GTF2IRD1: variants seen among roughly 807,000 people sequenced by gnomAD.
GTF2IRD1 encodes the protein general transcription factor II-I repeat domain-containing protein 1.
In GTF2IRD1, 26 loss-of-function variants were observed where a neutral mutation model predicts 113.2. The observed-to-expected ratio is 0.23, with a 90% CI of 0.17 to 0.32. The LOEUF is 0.32. GTF2IRD1 is among the 10% of genes least tolerant of loss of function. The pLI, the probability that GTF2IRD1 is intolerant of heterozygous loss-of-function variation, is 1.00. For missense variants in GTF2IRD1, 864 were observed against 1,280.8 expected, an observed-to-expected ratio of 0.67 and a Z score of 4.97; for synonymous variants, 484 against 529.1, an observed-to-expected ratio of 0.91 and a Z score of 1.17.
chr7:74,545,680 A>G (rs1798882985), intron 15 of GTF2IRD1, 64 bp from the exon 16 acceptor site: 1 of 1,235,170 alleles, frequency 8.1e-7, no homozygotes, highest in African/African-American at 1.5e-5. Flanking sequence ...GTACCAGCAG[A>G]GCAGGAACAT....
intron 17 of GTF2IRD1, among the ~76,000 whole-genome samples, chr7:74,552,272 C>G (rs1459236774): frequency 3.9e-5 from 6 of 152,092 alleles, no homozygotes; most frequent in Non-Finnish European, 5.9e-5. Context: ...AATCCCAGCA[C>G]TTTGTGGGGG....
chr7:74,493,801 C>G (rs894529664), intron 1 of GTF2IRD1, among the ~76,000 whole-genome samples: 5 of 152,082 alleles, frequency 3.3e-5, no homozygotes, highest in Non-Finnish European at 7.4e-5. Context: ...TCACTGCAGC[C>G]TTGACCTCCT....
intron 9 of GTF2IRD1, 69 bp downstream of exon 9, chr7:74,529,986 GATCGCTT>G (rs1797863548): frequency 1.7e-6 from 2 of 1,199,676 alleles, no homozygotes; most frequent in Non-Finnish European, 2.4e-6. Flanking sequence ...AAGGCAGGCA[GATCGCTT>G]GAGGCCAGGA....
At chr7:74,545,874 A>T (rs1798897259) in intron 16 of GTF2IRD1, 65 bp downstream of exon 16, 2 of 1,236,814 alleles carry the variant, frequency 1.6e-6, no homozygotes, top group Admixed American at 1.7e-5. Context: ...CTGTTTGCAG[A>T]AGGGCTTTGG....
intron 2 of GTF2IRD1, among the ~76,000 whole-genome samples, chr7:74,508,956 A>G (rs1177675179): frequency 6.6e-6 from 1 of 152,136 alleles, no homozygotes; most frequent in Non-Finnish European, 1.5e-5. Context: ...CCCTGGCGCT[A>G]TTGCCTACAT....
intron 14 of GTF2IRD1, among the ~76,000 whole-genome samples, chr7:74,540,650 C>A (rs1342880600): frequency 6.6e-6 from 1 of 151,612 alleles, no homozygotes; most frequent in East Asian, 2.0e-4. Context: ...ATGGATAGTA[C>A]GCAAATAAGT....
At chr7:74,550,610 T>C (rs1295803700) in intron 17 of GTF2IRD1, among the ~76,000 whole-genome samples, 1 of 151,644 alleles carries the variant, frequency 6.6e-6, no homozygotes, top group Admixed American at 6.6e-5. Context: ...TTTTAATTTT[T>C]TTAAAAATAC....
intron 7 of GTF2IRD1, among the ~76,000 whole-genome samples, chr7:74,523,285 G>T (rs1475397608): frequency 1.3e-5 from 2 of 152,142 alleles, no homozygotes; most frequent in Non-Finnish European, 2.9e-5. Context: ...CAGCTGCCTG[G>T]GGGGCCGAGG....
intron 1 of GTF2IRD1, among the ~76,000 whole-genome samples, chr7:74,463,848 C>T (rs528196654): frequency 5.9e-4 from 89 of 152,058 alleles, no homozygotes; most frequent in African/African-American, 2.0e-3. Context: ...CTCAGCTTCT[C>T]GAGTAGCTGG....
chr7:74,468,530 G>T (rs1315569641), intron 1 of GTF2IRD1, among the ~76,000 whole-genome samples: 22 of 150,954 alleles, frequency 1.5e-4, no homozygotes, highest in Non-Finnish European at 4.4e-5. Flanking sequence ...GTGGTGGCAC[G>T]TGCCTGTAAT....
chr7:74,482,150 C>CA (rs1186981565), intron 1 of GTF2IRD1, among the ~76,000 whole-genome samples: 8 of 151,578 alleles, frequency 5.3e-5, no homozygotes, highest in Admixed American at 5.3e-4. Flanking sequence ...TAAAAAGGGA[C>CA]AGTTTTGCTG....
chr7:74,584,208 C>A (rs1554367077), intron 22 of GTF2IRD1, among the ~76,000 whole-genome samples: 1 of 152,022 alleles, frequency 6.6e-6, no homozygotes, highest in East Asian at 1.9e-4. Context: ...CTTTGGGAGG[C>A]CAAGCCAGGT....
intron 7 of GTF2IRD1, among the ~76,000 whole-genome samples, chr7:74,521,717 G>GC (rs1259772686): frequency 6.6e-6 from 1 of 152,064 alleles, no homozygotes; most frequent in Non-Finnish European, 1.5e-5. Flanking sequence ...AGCTGTGATC[G>GC]CACCACTGCA....
chr7:74,467,205 T>C (rs1793778062), intron 1 of GTF2IRD1, among the ~76,000 whole-genome samples: 2 of 152,082 alleles, frequency 1.3e-5, no homozygotes, highest in Non-Finnish European at 2.9e-5. Flanking sequence ...CGCCTCAGCC[T>C]CCCAAAATGC....
At chr7:74,526,716 A>G (rs1212899297) in intron 8 of GTF2IRD1, among the ~76,000 whole-genome samples, 1 of 151,994 alleles carries the variant, frequency 6.6e-6, no homozygotes, top group African/African-American at 2.4e-5. Flanking sequence ...AAACCAGATG[A>G]ACCAGACGGA....
At chr7:74,468,726 C>T (rs1372097167) in intron 1 of GTF2IRD1, among the ~76,000 whole-genome samples, 2 of 133,744 alleles carry the variant, frequency 1.5e-5, no homozygotes, top group Non-Finnish European at 3.1e-5. Context: ...GTGTGTGTAG[C>T]CTGGCAGACT....
chr7:74,461,020 C>T (rs1295373319), intron 1 of GTF2IRD1, among the ~76,000 whole-genome samples: 4 of 152,214 alleles, frequency 2.6e-5, no homozygotes, highest in Non-Finnish European at 5.9e-5. Flanking sequence ...TCCACGTCCA[C>T]CTTCCGCCCG....
At chr7:74,551,817 T>C (rs782215557) in intron 17 of GTF2IRD1, among the ~76,000 whole-genome samples, 1 of 152,032 alleles carries the variant, frequency 6.6e-6, no homozygotes, top group Non-Finnish European at 1.5e-5. Context: ...GTGCCTGTAA[T>C]CCCAGCTACT....
At chr7:74,479,164 A>G (rs1031022675) in intron 1 of GTF2IRD1, among the ~76,000 whole-genome samples, 2 of 152,082 alleles carry the variant, frequency 1.3e-5, no homozygotes, top group African/African-American at 4.8e-5. Flanking sequence ...ATGACCCGAC[A>G]GTTCCTCCGC....
Sources: gnomAD v4.1 joint callset for allele counts (sites outside exome capture counted in the v4.1 genomes callset) on GRCh38, gnomAD v4.1.1 for gene constraint, MANE v1.5 for transcripts, NCBI Gene and HGNC (gene_info 2026-07-23, HGNC 2026-07-21) for gene names.